The following RBL1 variants were observed in gnomAD, a reference collection of about 807,000 sequenced individuals.
The protein encoded by RBL1 is RB transcriptional corepressor like 1.
Under a neutral mutation model 123.0 loss-of-function variants are expected in RBL1, and 82 were observed. The observed-to-expected ratio is 0.67, with a 90% CI of 0.56 to 0.80. The LOEUF (loss-of-function observed/expected upper bound fraction) is 0.80, where lower values mean the gene tolerates loss of function less well. Ranked by LOEUF, RBL1 falls within the 30% of genes least tolerant of loss-of-function variation. The probability of loss-of-function intolerance (pLI) is 0.00; values close to 1 mark genes in which losing one functional copy is unlikely to be tolerated. For missense variants in RBL1, 1,171 were observed against 1,299.6 expected (o/e 0.90, Z 1.52); for synonymous variants, 405 against 441.3 (o/e 0.92, Z 1.03).
chr20:37,058,880 T>G (rs1452309065), intron 9 of RBL1, among the ~76,000 whole-genome samples: 5 of 151,938 alleles, frequency 3.3e-5, no homozygotes, highest in African/African-American at 9.7e-5. Context: ...GTAGCTGGAA[T>G]GCATATCACC....
At chr20:37,040,380 C>G in intron 13 of RBL1, 95 bp from the exon 14 acceptor site, 1 of 1,485,716 alleles carries the variant, frequency 6.7e-7, no homozygotes, top group Admixed American at 2.2e-5. Flanking sequence ...GAGATAAAGT[C>G]TCATTCTGTT....
intron 2 of RBL1, among the ~76,000 whole-genome samples, chr20:37,077,404 A>G (rs1391811595): frequency 6.6e-6 from 1 of 152,158 alleles, no homozygotes; most frequent in Non-Finnish European, 1.5e-5. Flanking sequence ...ACTTTTAGTA[A>G]AGCAGATTAC....
Position 37,031,804 on chromosome 20 carries a change from T to A in RBL1, c.2382+861A>T, listed in dbSNP as rs192374900. Among the ~76,000 whole-genome samples, 915 of 152,042 alleles carry A rather than the reference T, an allele frequency of 6.0e-3. 14 individuals are homozygous for A. Among genetic ancestry groups the A allele is most frequent in the Non-Finnish European group, 5.5e-3 (371 of 67,992 alleles). On this transcript the variant is annotated intron_variant, in intron 16 of 21. Coordinates refer to ENST00000373664, the MANE Select transcript of RBL1 (RefSeq NM_002895.5). ...CCCAGGCTGGAGCGCAGTGGTGTGA[T>A]CTCGACTCACTGTAGCCTCAACCTC...
At chr20:37,018,507 T>C in intron 18 of RBL1, 138 bp from the exon 19 acceptor site, 3 of 1,209,190 alleles carry the variant, frequency 2.5e-6, no homozygotes, top group Non-Finnish European at 3.3e-6. Context: ...TAAAATGTTA[T>C]TAGCTCTAGT....
chr20:36,998,484 A>G lies in RBL1; in HGVS notation c.*275T>C, dbSNP rs2063912909. On this transcript the variant is annotated 3_prime_UTR_variant, in exon 22 of 22. Transcript: ENST00000373664. ...GGTGATCTGCCCGCCTTGGCCTCCC[A>G]AAGTCCTGGGATTACAGGCGTGAGC... 3.9e-6 allele frequency: 1 copy of G among 256,954 alleles called. No individual in the cohort carries two copies. Among genetic ancestry groups the G allele is most frequent in the Non-Finnish European group, 7.4e-6 (1 of 134,756 alleles). 15.9% of individuals were successfully genotyped at this position (256,954 alleles called of 1,614,324 possible). A position where few individuals can be genotyped will look rare whatever the true frequency, so the allele number is the denominator to read the frequency against.
intron 1 of RBL1, among the ~76,000 whole-genome samples, chr20:37,094,408 A>G (rs1366669800): frequency 1.3e-5 from 2 of 152,164 alleles, no homozygotes; most frequent in Admixed American, 6.6e-5. Context: ...AGTTCTGAAG[A>G]CACTTTTTTC....
intron 2 of RBL1, among the ~76,000 whole-genome samples, chr20:37,079,056 G>A (rs771054653): frequency 1.3e-5 from 2 of 151,746 alleles, no homozygotes; most frequent in Non-Finnish European, 2.9e-5. Flanking sequence ...ACAAAAATTA[G>A]CCTGGCATGA....
chr20:37,024,525 G>A (rs180775135), intron 16 of RBL1, among the ~76,000 whole-genome samples: 30 of 152,218 alleles, frequency 2.0e-4, no homozygotes, highest in Admixed American at 1.8e-3. Flanking sequence ...ATTCTATTTA[G>A]GCATAGAACA....
chr20:37,068,714 T>C (rs2065224495), intron 2 of RBL1, among the ~76,000 whole-genome samples: 1 of 152,192 alleles, frequency 6.6e-6, no homozygotes, highest in South Asian at 2.1e-4. Context: ...AAAGTTAATG[T>C]TAGTTAACAG....
intron 13 of RBL1, among the ~76,000 whole-genome samples, chr20:37,041,105 C>T (rs1390664297): frequency 9.2e-5 from 14 of 152,050 alleles, no homozygotes; most frequent in Non-Finnish European, 1.6e-4. Flanking sequence ...TTTCCAATTC[C>T]TCCTGGCCTT....
intron 19 of RBL1, among the ~76,000 whole-genome samples, chr20:37,012,977 C>T (rs554016279): frequency 2.0e-5 from 3 of 151,842 alleles, no homozygotes; most frequent in South Asian, 2.1e-4. Context: ...GGGGTCAGCC[C>T]CCCGCCCGGC....
chr20:37,033,331 G>A (rs2064545881), intron 15 of RBL1, among the ~76,000 whole-genome samples: 1 of 151,516 alleles, frequency 6.6e-6, no homozygotes, highest in Non-Finnish European at 1.5e-5. Flanking sequence ...ACAGGCACAT[G>A]CTACCACACC....
At chr20:37,061,995 T>A in intron 8 of RBL1, 89 bp downstream of exon 8, 2 of 1,344,070 alleles carry the variant, frequency 1.5e-6, no homozygotes, top group Non-Finnish European at 2.0e-6. Flanking sequence ...AGCTCAAGAT[T>A]TAACTTGAAA....
chr20:37,067,449 T>C (rs1039238704), intron 3 of RBL1, 152 bp from the exon 4 acceptor site: 16 of 700,274 alleles, frequency 2.3e-5, no homozygotes, highest in Non-Finnish European at 3.7e-5. Context: ...TGGACTTAAG[T>C]AAGCCTTTCC....
chr20:37,019,504 A>C (rs1845143381), intron 18 of RBL1, among the ~76,000 whole-genome samples: 1 of 152,216 alleles, frequency 6.6e-6, no homozygotes. Flanking sequence ...GATTTTCCTG[A>C]AGAAGCCCAG....
At chr20:37,038,598 CTTTTTTT>C (rs1185859018) in intron 14 of RBL1, among the ~76,000 whole-genome samples, 3 of 118,620 alleles carry the variant, frequency 2.5e-5, no homozygotes, top group Non-Finnish European at 3.5e-5. Flanking sequence ...TGTGCCTGGC[CTTTTTTT>C]TTTTTTTTTT....
chr20:37,001,160 C>T (rs1449916024), intron 21 of RBL1, among the ~76,000 whole-genome samples: 1 of 150,168 alleles, frequency 6.7e-6, no homozygotes, highest in African/African-American at 2.4e-5. Context: ...CCGCCCCGTC[C>T]GGGAGGTGAG....
rs1226894988 is a variant in RBL1, at chr20:36,997,881, G to C, written c.*878C>G. ...AGGATGAGTGTAGCACTGGGGCTCA[G>C]GTACAAATCTGTTTATAAAGCTCAA... On this transcript the variant is annotated 3_prime_UTR_variant, in exon 22 of 22. Transcript: ENST00000373664. 6.6e-6 allele frequency: 1 copy of C among 151,998 alleles called. No individual in the cohort carries two copies. The highest frequency in any genetic ancestry group is 2.4e-5 in the African/African-American group (1 of 41,374). The allele number at this position is 151,998 out of a possible 1,614,324, so 9.4% of individuals were successfully genotyped here.
intron 2 of RBL1, among the ~76,000 whole-genome samples, chr20:37,083,672 G>A (rs909681902): frequency 1.4e-5 from 2 of 144,524 alleles, no homozygotes; most frequent in African/African-American, 2.5e-5. Flanking sequence ...GGGTGTGGTG[G>A]CATGCACCTG....
Sources: gnomAD v4.1 joint callset for allele counts (sites outside exome capture counted in the v4.1 genomes callset) on GRCh38, gnomAD v4.1.1 for gene constraint, MANE v1.5 for transcripts, NCBI Gene and HGNC (gene_info 2026-07-23, HGNC 2026-07-21) for gene names.